Variants in TUSC3 observed in about 807,000 individuals in gnomAD.
TUSC3 encodes the protein tumor suppressor candidate 3.
Under a neutral mutation model 44.8 loss-of-function variants are expected in TUSC3, and 45 were observed. The ratio of observed to expected loss-of-function variants is 1.00; its 90% CI spans 0.79 to 1.29. The LOEUF is 1.29. Ranked by LOEUF, TUSC3 falls within the 50% of genes most tolerant of loss-of-function variation. The pLI is 0.00. For missense variants in TUSC3, 519 were observed against 437.9 expected (o/e 1.19, Z -1.65); for synonymous variants, 212 against 152.9 (o/e 1.39, Z -2.85).
intron 2 of TUSC3, among the ~76,000 whole-genome samples, chr8:15,512,489 C>G (rs188052311): frequency 2.0e-5 from 3 of 152,060 alleles, no homozygotes; most frequent in Admixed American, 6.6e-5. Context: ...AAATGTTTCT[C>G]TGGCTGGGCA....
chr8:15,630,699 C>G (rs1023152180), intron 2 of TUSC3, among the ~76,000 whole-genome samples: 1 of 151,996 alleles, frequency 6.6e-6, no homozygotes, highest in African/African-American at 2.4e-5. Context: ...TGTTCCTAAC[C>G]AAGATTATTA....
chr8:15,457,116 A>G (rs1218513759), intron 1 of TUSC3, among the ~76,000 whole-genome samples: 2 of 144,202 alleles, frequency 1.4e-5, no homozygotes, highest in South Asian at 2.3e-4. Flanking sequence ...GAATTGAACA[A>G]TGAGAACACA....
chr8:15,627,857 C>T (rs902252552), intron 2 of TUSC3, among the ~76,000 whole-genome samples: 1 of 152,204 alleles, frequency 6.6e-6, no homozygotes, highest in Non-Finnish European at 1.5e-5. Flanking sequence ...CGTTGGCAGG[C>T]ATGGGATCCT....
intron 10 of TUSC3, among the ~76,000 whole-genome samples, chr8:15,761,325 G>C (rs1329167280): frequency 1.3e-5 from 2 of 152,120 alleles, no homozygotes; most frequent in East Asian, 3.9e-4. Flanking sequence ...TTTCTTCTTT[G>C]TGTAAACAGT....
intron 2 of TUSC3, among the ~76,000 whole-genome samples, chr8:15,527,417 A>G (rs1341852270): frequency 6.6e-6 from 1 of 152,070 alleles, no homozygotes; most frequent in Non-Finnish European, 1.5e-5. Flanking sequence ...GGGTTTTGCT[A>G]TGCTGTCCAG....
At chr8:15,613,658 C>T (rs966164671) in intron 1 of TUSC3, among the ~76,000 whole-genome samples, 4 of 152,160 alleles carry the variant, frequency 2.6e-5, no homozygotes, top group African/African-American at 9.7e-5. Flanking sequence ...TTATAAATTA[C>T]CCAGTCTCGG....
At chr8:15,704,896 C>T (rs1384609550) in intron 6 of TUSC3, among the ~76,000 whole-genome samples, 3 of 151,708 alleles carry the variant, frequency 2.0e-5, no homozygotes, top group Non-Finnish European at 4.4e-5. Flanking sequence ...ACAAGTTAAT[C>T]ACAAAACAGT....
chr8:15,703,205 T>A (rs1033031512), intron 6 of TUSC3, among the ~76,000 whole-genome samples: 1 of 152,132 alleles, frequency 6.6e-6, no homozygotes, highest in African/African-American at 2.4e-5. Context: ...AGAGAAAGTA[T>A]CAGGGGACAT....
intron 6 of TUSC3, among the ~76,000 whole-genome samples, chr8:15,679,918 T>C (rs1808346132): frequency 6.6e-6 from 1 of 152,086 alleles, no homozygotes; most frequent in Non-Finnish European, 1.5e-5. Context: ...TACTTCTGGG[T>C]CGTCTATTGT....
intron 2 of TUSC3, among the ~76,000 whole-genome samples, chr8:15,626,416 C>T (rs1235301377): frequency 6.6e-6 from 1 of 152,158 alleles, no homozygotes; most frequent in Admixed American, 6.5e-5. Flanking sequence ...TCCATAGAGC[C>T]AGTGGGAGCG....
intron 2 of TUSC3, among the ~76,000 whole-genome samples, chr8:15,488,524 A>C (rs77849236): frequency 0.049 from 7,417 of 152,084 alleles, 239 homozygotes; most frequent in South Asian, 0.11. Context: ...TTTTTTTGTC[A>C]TCTTGGTAAT....
intron 1 of TUSC3, among the ~76,000 whole-genome samples, chr8:15,604,533 T>C (rs1052012016): frequency 2.6e-4 from 40 of 151,784 alleles, no homozygotes; most frequent in Non-Finnish European, 5.0e-4. Context: ...TGTAAATATT[T>C]TAATAAAAAT....
intron 1 of TUSC3, among the ~76,000 whole-genome samples, chr8:15,482,273 A>G (rs971801133): frequency 2.6e-4 from 40 of 152,256 alleles, no homozygotes; most frequent in Admixed American, 1.4e-3. Flanking sequence ...GAGCCCCTCA[A>G]TGTCATGTGT....
chr8:15,775,673 C>T, the TUSC3 span, among the ~76,000 whole-genome samples: 1 of 139,194 alleles, frequency 7.2e-6, no homozygotes, highest in Non-Finnish European at 1.6e-5. Flanking sequence ...CATATATACA[C>T]ACATAAATAC....
At chr8:15,754,220 C>G (rs1811825925) in intron 9 of TUSC3, among the ~76,000 whole-genome samples, 2 of 152,096 alleles carry the variant, frequency 1.3e-5, no homozygotes, top group African/African-American at 4.8e-5. Context: ...GCCTTTAGTA[C>G]TTCTGCAAAG....
At chr8:15,591,709 C>T (rs548624374) in intron 1 of TUSC3, among the ~76,000 whole-genome samples, 1 of 152,192 alleles carries the variant, frequency 6.6e-6, no homozygotes, top group South Asian at 2.1e-4. Context: ...CTTCTAGACA[C>T]AAAAGTTCTG....
the TUSC3 span, among the ~76,000 whole-genome samples, chr8:15,835,582 G>A: frequency 6.6e-6 from 1 of 151,896 alleles, no homozygotes. Context: ...ATATCTTGTT[G>A]ATAAGTTCAA....
intron 6 of TUSC3, among the ~76,000 whole-genome samples, chr8:15,721,140 C>A (rs1810291586): frequency 6.6e-6 from 1 of 151,878 alleles, no homozygotes; most frequent in Non-Finnish European, 1.5e-5. Flanking sequence ...TCCTAATCAC[C>A]CCATAAGTAA....
intron 10 of TUSC3, among the ~76,000 whole-genome samples, chr8:15,763,809 C>T (rs1333995164): frequency 9.9e-5 from 15 of 152,060 alleles, no homozygotes; most frequent in African/African-American, 7.2e-5. Context: ...TTAAATTATA[C>T]GGTTAGAGAA....
Sources: gnomAD v4.1 joint callset for allele counts (sites outside exome capture counted in the v4.1 genomes callset) on GRCh38, gnomAD v4.1.1 for gene constraint, MANE v1.5 for transcripts, NCBI Gene and HGNC (gene_info 2026-07-23, HGNC 2026-07-21) for gene names.